The following MYO5B variants were observed in gnomAD, a reference collection of about 807,000 sequenced individuals.
MYO5B encodes myosin VB.
A neutral mutation model predicts 229.3 loss-of-function variants in MYO5B; 143 were observed. The ratio of observed to expected loss-of-function variants is 0.62; its 90% CI spans 0.54 to 0.72. The LOEUF is 0.72. Ranked by LOEUF, MYO5B falls within the 30% of genes least tolerant of loss-of-function variation. The pLI, the probability that MYO5B is intolerant of heterozygous loss-of-function variation, is 0.00. For missense variants in MYO5B, 2,321 were observed against 2,331.0 expected, an observed-to-expected ratio of 1.00 and a Z score of 0.09; for synonymous variants, 918 against 885.2, an observed-to-expected ratio of 1.04 and a Z score of -0.66.
intron 2 of MYO5B, among the ~76,000 whole-genome samples, chr18:50,041,671 TA>T (rs1307127445): frequency 3.3e-5 from 5 of 151,982 alleles, no homozygotes; most frequent in South Asian, 2.1e-4. Flanking sequence ...GAACAAACAT[TA>T]AAAAAAAATT....
At chr18:50,011,968 C>CCA (rs2026165639) in intron 4 of MYO5B, among the ~76,000 whole-genome samples, 1 of 151,900 alleles carries the variant, frequency 6.6e-6, no homozygotes, top group Non-Finnish European at 1.5e-5. Context: ...AAGAGTGGGA[C>CCA]AGCATAGGTA....
chr18:50,108,911 TC>T (rs1434892942), intron 1 of MYO5B, among the ~76,000 whole-genome samples: 1 of 152,156 alleles, frequency 6.6e-6, no homozygotes, highest in African/African-American at 2.4e-5. Context: ...CCCTTTCCTT[TC>T]CTCACACAAA....
rs201430138 is a variant in MYO5B, at chr18:49,837,750, G to A, written c.4905C>T (p.Pro1635=). 48 of 1,614,142 alleles carry A rather than the reference G, an allele frequency of 3.0e-5. No individual in the cohort carries two copies. In the African/African-American group the frequency reaches 6.4e-4, roughly 22 times the overall value. Residue 1635 remains proline (P), a synonymous_variant, in exon 37 of 40, where the codon CCC becomes CCT. Transcript: ENST00000285039. The part of the protein sequence containing the change: ...ESIQGLSGVK[P]TGYRKRSSSM... ...TGGAGGAGCGCTTCCGGTAGCCGGT[G>A]GGCTTCACACCAGATAGACCCTGAA...
rs1463049703 is a variant in MYO5B at position 49,962,151 on chromosome 18, C to A, written c.1545+115G>T. On this transcript the variant is annotated intron_variant, in intron 12 of 39. Coordinates refer to ENST00000285039, the MANE Select transcript of MYO5B (RefSeq NM_001080467.3). ...GTATGCAGCCTGCCAACGCTTCTTC[C>A]AGCACACTGAAGGCCAGCTGATCAC... The A allele has an allele frequency of 9.3e-6, 13 of 1,393,246 alleles. No individual in the cohort carries two copies. In the Admixed American group the frequency reaches 2.0e-4, roughly 22 times the overall value. The allele number at this position is 1,393,246 out of a possible 1,614,324, so 86.3% of individuals were successfully genotyped here.
intron 15 of MYO5B, 50 bp downstream of exon 15, chr18:49,937,195 G>C: frequency 6.2e-7 from 1 of 1,608,652 alleles, no homozygotes; most frequent in Non-Finnish European, 8.5e-7. Context: ...CTACAGAGAG[G>C]CCAGCCCTGC....
chr18:50,066,800 C>T (rs570234494), intron 1 of MYO5B, among the ~76,000 whole-genome samples: 2 of 152,254 alleles, frequency 1.3e-5, no homozygotes, highest in South Asian at 2.1e-4. Flanking sequence ...ACTGAGCAGA[C>T]ACTATCAATA....
chr18:49,908,644 C>T (rs1189473605), intron 18 of MYO5B, among the ~76,000 whole-genome samples: 7 of 152,212 alleles, frequency 4.6e-5, no homozygotes, highest in Admixed American at 3.3e-4. Flanking sequence ...TTTGTTAATA[C>T]ACTCCTTCGC....
intron 14 of MYO5B, among the ~76,000 whole-genome samples, chr18:49,939,600 G>A (rs552073347): frequency 6.6e-6 from 1 of 152,294 alleles, no homozygotes; most frequent in Admixed American, 6.5e-5. Context: ...CTGGGGAGAA[G>A]GAACCTACCG....
At chr18:50,074,197 A>C (rs966014981) in intron 1 of MYO5B, among the ~76,000 whole-genome samples, 8 of 152,334 alleles carry the variant, frequency 5.3e-5, no homozygotes, top group South Asian at 2.1e-4. Context: ...GAAAACCTTG[A>C]TACGCCCATC....
At chr18:49,913,093 C>A (rs1463311129) in intron 17 of MYO5B, among the ~76,000 whole-genome samples, 1 of 152,132 alleles carries the variant, frequency 6.6e-6, no homozygotes, top group Non-Finnish European at 1.5e-5. Flanking sequence ...AATACAGGCC[C>A]ACTGTAAAGA....
chr18:50,098,569 T>C lies in MYO5B; in HGVS notation c.28-43191A>G, dbSNP rs531693045. ...AAAAGGTAAATGTCCAACTGTGTGG[T>C]ACAGATTGGAAGCACAGTGGCATGG... On this transcript the variant is annotated intron_variant, in intron 1 of 39. Coordinates refer to ENST00000285039, the MANE Select transcript of MYO5B (RefSeq NM_001080467.3). 5.9e-5 allele frequency among the ~76,000 whole-genome samples: 9 copies of C among 152,274 alleles called. No individual in the cohort carries two copies. In the South Asian group the frequency reaches 1.9e-3, roughly 32 times the overall value.
chr18:50,017,630 A>G (rs2026230211), intron 4 of MYO5B, among the ~76,000 whole-genome samples: 1 of 152,116 alleles, frequency 6.6e-6, no homozygotes, highest in South Asian at 2.1e-4. Flanking sequence ...TTATGTGAGC[A>G]TGTGTTTTCC....
chr18:49,899,301 T>C (rs755206190), intron 21 of MYO5B, among the ~76,000 whole-genome samples: 7 of 152,290 alleles, frequency 4.6e-5, no homozygotes, highest in Middle Eastern at 3.4e-3. Flanking sequence ...TGCTAAGAGA[T>C]TGCAATGAAA....
intron 16 of MYO5B, among the ~76,000 whole-genome samples, chr18:49,935,820 A>G (rs1010699200): frequency 6.6e-6 from 1 of 152,250 alleles, no homozygotes; most frequent in Non-Finnish European, 1.5e-5. Context: ...GCTTAGCAGC[A>G]GATGGGAATG....
intron 4 of MYO5B, among the ~76,000 whole-genome samples, chr18:50,012,703 C>T (rs1388675599): frequency 6.6e-6 from 1 of 152,254 alleles, no homozygotes; most frequent in Non-Finnish European, 1.5e-5. Flanking sequence ...AACTATTGCT[C>T]AGCATCTGGG....
chr18:49,902,320 C>T (rs1318982336), intron 21 of MYO5B, among the ~76,000 whole-genome samples: 2 of 152,196 alleles, frequency 1.3e-5, no homozygotes, highest in Non-Finnish European at 2.9e-5. Context: ...CCTGGCTCAC[C>T]CAGGATACTC....
At chr18:49,987,188 C>T (rs150207611) in intron 7 of MYO5B, among the ~76,000 whole-genome samples, 80 of 152,164 alleles carry the variant, frequency 5.3e-4, no homozygotes, top group African/African-American at 1.9e-3. Flanking sequence ...CAACTCAGGC[C>T]CAGCTGGGCA....
At chr18:49,877,253 G>C (rs1167465721) in intron 25 of MYO5B, among the ~76,000 whole-genome samples, 3 of 152,148 alleles carry the variant, frequency 2.0e-5, no homozygotes, top group African/African-American at 4.8e-5. Context: ...TATATTTAGT[G>C]ACTGACTAAG....
chr18:49,926,307 T>C (rs1162542282), intron 17 of MYO5B, among the ~76,000 whole-genome samples: 1 of 152,206 alleles, frequency 6.6e-6, no homozygotes, highest in African/African-American at 2.4e-5. Context: ...TTAAGTTGTT[T>C]ATGGGTAATT....
Sources: allele counts gnomAD v4.1 joint callset (sites outside exome capture counted in the v4.1 genomes callset), GRCh38; gene constraint gnomAD v4.1.1; transcripts MANE v1.5; gene names NCBI Gene and HGNC (gene_info 2026-07-23, HGNC 2026-07-21).